FAM171A1: variants seen among roughly 807,000 people sequenced by gnomAD.
FAM171A1 encodes the protein family with sequence similarity 171 member A1, also known as protein FAM171A1.
FAM171A1 carries 23 observed loss-of-function variants against 74.9 expected under a neutral mutation model. That is an observed-to-expected ratio of 0.31 (90% confidence interval 0.22 to 0.44). The LOEUF (loss-of-function observed/expected upper bound fraction) is 0.44. Ranked by LOEUF, FAM171A1 falls within the 20% of genes least tolerant of loss-of-function variation. FAM171A1 has a pLI of 1.00. For synonymous variants in FAM171A1, 527 were observed against 505.7 expected (o/e 1.04, Z -0.57); for missense variants, 1,162 against 1,159.2 (o/e 1.00, Z -0.03).
chr10:15,323,007 G>C (rs1259580801), intron 1 of FAM171A1, among the ~76,000 whole-genome samples: 2 of 151,754 alleles, frequency 1.3e-5, no homozygotes, highest in African/African-American at 2.4e-5. Context: ...GGGCGTGGTG[G>C]TGCACGCCTA....
intron 1 of FAM171A1, among the ~76,000 whole-genome samples, chr10:15,338,356 C>A (rs1835727732): frequency 6.6e-6 from 1 of 152,106 alleles, no homozygotes; most frequent in Admixed American, 6.6e-5. Context: ...ACATTATGTG[C>A]CTATCAAACT....
chr10:15,292,171 C>G (rs1056539974), intron 1 of FAM171A1, among the ~76,000 whole-genome samples: 14 of 152,078 alleles, frequency 9.2e-5, no homozygotes, highest in Non-Finnish European at 1.5e-4. Flanking sequence ...ATCCCATGCA[C>G]AATGGCTCCC....
chr10:15,232,650 A>G (rs1399610607), intron 5 of FAM171A1, among the ~76,000 whole-genome samples: 1 of 152,244 alleles, frequency 6.6e-6, no homozygotes, highest in Non-Finnish European at 1.5e-5. Flanking sequence ...AACTGTATGG[A>G]CCAAACAAAA....
chr10:15,221,469 C>G (rs1307135592), intron 5 of FAM171A1, among the ~76,000 whole-genome samples: 2 of 152,154 alleles, frequency 1.3e-5, no homozygotes, highest in Non-Finnish European at 2.9e-5. Flanking sequence ...AATTTTCTAT[C>G]CAGAGCTGCA....
intron 3 of FAM171A1, 70 bp downstream of exon 3, chr10:15,275,785 C>T: frequency 3.0e-6 from 3 of 1,003,650 alleles, no homozygotes; most frequent in African/African-American, 1.6e-5. Flanking sequence ...TCACATTGTA[C>T]ACCATAAATG....
At chr10:15,291,472 C>T (rs770548010) in intron 1 of FAM171A1, among the ~76,000 whole-genome samples, 3 of 152,158 alleles carry the variant, frequency 2.0e-5, no homozygotes, top group Non-Finnish European at 2.9e-5. Context: ...GCGGTTCCTG[C>T]GTCGGAGAGT....
intron 1 of FAM171A1, among the ~76,000 whole-genome samples, chr10:15,298,120 CTTT>C (rs923640789): frequency 1.4e-5 from 2 of 147,300 alleles, no homozygotes; most frequent in African/African-American, 5.0e-5. Context: ...TCCCAATCTT[CTTT>C]TTTTTTTTCT....
intron 1 of FAM171A1, among the ~76,000 whole-genome samples, chr10:15,305,395 G>A (rs1835280777): frequency 6.6e-6 from 1 of 152,102 alleles, no homozygotes; most frequent in African/African-American, 2.4e-5. Flanking sequence ...CTGAATGGAG[G>A]GCTGGGTGCC....
At chr10:15,348,339 T>C (rs988641743) in intron 1 of FAM171A1, among the ~76,000 whole-genome samples, 2 of 152,052 alleles carry the variant, frequency 1.3e-5, no homozygotes, top group Non-Finnish European at 1.5e-5. Flanking sequence ...GGTGTCACCA[T>C]GCTGCCCAGG....
intron 1 of FAM171A1, among the ~76,000 whole-genome samples, chr10:15,311,722 C>T (rs959910233): frequency 1.3e-5 from 2 of 152,066 alleles, no homozygotes; most frequent in East Asian, 1.9e-4. Flanking sequence ...ATAAAGAAGG[C>T]GGCATCACGT....
chr10:15,366,675 T>C (rs1045555745), intron 1 of FAM171A1, among the ~76,000 whole-genome samples: 2 of 152,242 alleles, frequency 1.3e-5, no homozygotes, highest in Non-Finnish European at 2.9e-5. Flanking sequence ...CTCCTCTCTC[T>C]AGATCTCTGA....
At chr10:15,276,318 T>G (rs752562499) in intron 2 of FAM171A1, among the ~76,000 whole-genome samples, 1 of 152,030 alleles carries the variant, frequency 6.6e-6, no homozygotes, top group Non-Finnish European at 1.5e-5. Flanking sequence ...GTAGCTGAGA[T>G]TACAGGCACC....
At chr10:15,314,239 C>T (rs1835397409) in intron 1 of FAM171A1, among the ~76,000 whole-genome samples, 2 of 151,966 alleles carry the variant, frequency 1.3e-5, no homozygotes, top group South Asian at 2.1e-4. Flanking sequence ...ACCATTGCCA[C>T]TGAGATCTTA....
chr10:15,337,190 T>C (rs1008761177), intron 1 of FAM171A1, among the ~76,000 whole-genome samples: 2 of 152,166 alleles, frequency 1.3e-5, no homozygotes, highest in African/African-American at 4.8e-5. Context: ...TGCTATCACC[T>C]TTATACAAAA....
chr10:15,362,741 C>T (rs1296780335), intron 1 of FAM171A1, among the ~76,000 whole-genome samples: 2 of 152,146 alleles, frequency 1.3e-5, no homozygotes, highest in African/African-American at 2.4e-5. Flanking sequence ...AAAACAAAAA[C>T]AAAACATTAC....
At chr10:15,367,006 G>C (rs1313344429) in intron 1 of FAM171A1, among the ~76,000 whole-genome samples, 2 of 152,258 alleles carry the variant, frequency 1.3e-5, no homozygotes, top group East Asian at 3.9e-4. Flanking sequence ...AGATCATTCT[G>C]GCTAACACGA....
chr10:15,358,450 C>T (rs543227391), intron 1 of FAM171A1, among the ~76,000 whole-genome samples: 7 of 152,292 alleles, frequency 4.6e-5, no homozygotes, highest in South Asian at 4.1e-4. Flanking sequence ...ATGTTTTACA[C>T]GTAACCTCAT....
At chr10:15,338,072 A>C (rs1223736090) in intron 1 of FAM171A1, among the ~76,000 whole-genome samples, 1 of 152,240 alleles carries the variant, frequency 6.6e-6, no homozygotes, top group Non-Finnish European at 1.5e-5. Flanking sequence ...CAAATGGCCC[A>C]ATTAAACGCC....
At chr10:15,266,692 C>A (rs972276656) in intron 3 of FAM171A1, among the ~76,000 whole-genome samples, 2 of 151,764 alleles carry the variant, frequency 1.3e-5, no homozygotes, top group African/African-American at 2.4e-5. Context: ...ATAGCGAGAC[C>A]CCCGTCTCTA....
Sources: allele counts gnomAD v4.1 joint callset (sites outside exome capture counted in the v4.1 genomes callset), GRCh38; gene constraint gnomAD v4.1.1; transcripts MANE v1.5; gene names NCBI Gene and HGNC (gene_info 2026-07-23, HGNC 2026-07-21).